The following RNF170 variants were observed in gnomAD, a reference collection of about 807,000 sequenced individuals.
RNF170 encodes E3 ubiquitin-protein ligase RNF170.
In RNF170, 12 loss-of-function variants were observed where a neutral mutation model predicts 32.7. That is an observed-to-expected ratio of 0.37 (90% CI 0.24 to 0.60). The LOEUF is 0.60. RNF170 is among the 20% of genes least tolerant of loss of function. The pLI, the probability that RNF170 is intolerant of heterozygous loss-of-function variation, is 0.72. For missense variants in RNF170, 212 were observed against 311.2 expected (o/e 0.68, Z 2.40); for synonymous variants, 91 against 103.6 (o/e 0.88, Z 0.74).
chr8:42,854,293 C>T lies in RNF170; in HGVS notation c.*1866G>A, dbSNP rs1171737515. 7.8e-7 allele frequency: 1 copy of T among 1,287,204 alleles called. No individual in the cohort carries two copies. Among genetic ancestry groups the T allele is most frequent in the South Asian group, 1.2e-5 (1 of 80,938 alleles). The allele number at this position is 1,287,204 out of a possible 1,614,324, so 79.7% of individuals were successfully genotyped here. On this transcript the variant is annotated 3_prime_UTR_variant, in exon 7 of 7. Transcript: ENST00000527424. ...TCTTGCTGTTCCTCTTAACAACTTT[C>T]ACGTCTATCTAAACATTCTATGCAG...
At chr8:42,861,699 G>A in intron 6 of RNF170, 46 bp downstream of exon 6, 2 of 1,429,462 alleles carry the variant, frequency 1.4e-6, no homozygotes, top group Non-Finnish European at 2.0e-6. Context: ...CAAAAGAGAA[G>A]AAATGTGTCT....
At chr8:42,876,384 C>A (rs1933010366) in intron 2 of RNF170, among the ~76,000 whole-genome samples, 1 of 151,766 alleles carries the variant, frequency 6.6e-6, no homozygotes, top group African/African-American at 2.4e-5. Flanking sequence ...GGAGACAAAA[C>A]CTTTGGGAGG....
chr8:42,876,124 A>G (rs1302495997), intron 2 of RNF170, among the ~76,000 whole-genome samples: 3 of 152,008 alleles, frequency 2.0e-5, no homozygotes, highest in Admixed American at 6.6e-5. Context: ...TTCAGAATAC[A>G]GACATGAACC....
intron 1 of RNF170, among the ~76,000 whole-genome samples, chr8:42,892,615 TATAAAGTA>T (rs1806397745): frequency 6.6e-6 from 1 of 152,018 alleles, no homozygotes; most frequent in South Asian, 2.1e-4. Context: ...GTTCCAAGCA[TATAAAGTA>T]ATATCTTACT....
chr8:42,856,192 A>G lies in RNF170; in HGVS notation c.744T>C (p.Tyr248=). The G allele has an allele frequency of 6.2e-7, 1 of 1,613,032 alleles. No individual in the cohort carries two copies. The highest frequency in any genetic ancestry group is 2.2e-5 in the East Asian group (1 of 44,830). ...TTAGCCTTTGGGTTATCACTTCTCG[A>G]TACATAATAGAGATGTAGATAAGCA... is the stretch of plus-strand genomic sequence containing the variant. The part of the protein sequence containing the change: ...FLLLIYISIM[Y]REVITQRLTR Residue 248 remains tyrosine, a synonymous_variant, in exon 7 of 7, where the codon TAT becomes TAC. Coordinates refer to ENST00000527424, the MANE Select transcript of RNF170 (RefSeq NM_030954.4).
intron 2 of RNF170, among the ~76,000 whole-genome samples, chr8:42,878,852 A>G (rs1805162417): frequency 6.6e-6 from 1 of 152,198 alleles, no homozygotes; most frequent in African/African-American, 2.4e-5. Flanking sequence ...TTAGGGGCTA[A>G]TGCAACTGGT....
chr8:42,864,117 G>A (rs1453809683), intron 5 of RNF170, among the ~76,000 whole-genome samples: 4 of 148,932 alleles, frequency 2.7e-5, no homozygotes, highest in Non-Finnish European at 5.9e-5. Flanking sequence ...TTTTAGTGAT[G>A]TAATCTCGTT....
chr8:42,858,424 ATC>A (rs1803405713), intron 6 of RNF170, among the ~76,000 whole-genome samples: 3 of 152,216 alleles, frequency 2.0e-5, no homozygotes, highest in Admixed American at 6.5e-5. Flanking sequence ...ATCAATTCTT[ATC>A]TTAACAGTAA....
At chr8:42,883,474 C>T (rs1267063274) in intron 2 of RNF170, among the ~76,000 whole-genome samples, 1 of 145,184 alleles carries the variant, frequency 6.9e-6, no homozygotes, top group East Asian at 2.1e-4. Flanking sequence ...GAGGCTGAGG[C>T]AGAAGAATCG....
chr8:42,895,682 G>A (rs1385989469), intron 1 of RNF170, among the ~76,000 whole-genome samples: 1 of 152,086 alleles, frequency 6.6e-6, no homozygotes, highest in African/African-American at 2.4e-5. Flanking sequence ...TGGAATACTA[G>A]GCAACAATTA....
At chr8:42,865,231 C>A (rs1034700814) in intron 5 of RNF170, among the ~76,000 whole-genome samples, 185 bp downstream of exon 5, 1 of 150,310 alleles carries the variant, frequency 6.7e-6, no homozygotes, top group African/African-American at 2.5e-5. Context: ...CACTGCAAGA[C>A]CTTTTTTCAA....
intron 2 of RNF170, among the ~76,000 whole-genome samples, chr8:42,879,084 T>C (rs73635310): frequency 0.014 from 2,176 of 152,284 alleles, 51 homozygotes; most frequent in African/African-American, 0.051. Context: ...AACAAAAAAA[T>C]CTGTTAAAAA....
intron 3 of RNF170, among the ~76,000 whole-genome samples, chr8:42,873,105 A>G (rs948055603): frequency 6.6e-6 from 1 of 151,588 alleles, no homozygotes; most frequent in Non-Finnish European, 1.5e-5. Context: ...ATGTTGCCCA[A>G]ACTGGTCTCG....
chr8:42,861,167 C>G (rs1323616792), intron 6 of RNF170, among the ~76,000 whole-genome samples: 1 of 152,144 alleles, frequency 6.6e-6, no homozygotes, highest in Non-Finnish European at 1.5e-5. Flanking sequence ...TTTTCTATTT[C>G]CCTCTAATTT....
intron 2 of RNF170, among the ~76,000 whole-genome samples, chr8:42,880,977 C>T (rs1805349794): frequency 6.6e-6 from 1 of 152,028 alleles, no homozygotes; most frequent in Non-Finnish European, 1.5e-5. Flanking sequence ...AGTGCTATTA[C>T]ACACATAGAC....
Position 42,854,834 on chromosome 8 carries a change from A to T in RNF170, c.*1325T>A. ...GAAGTGAGTAAGATCTCCCAGTACCATGTGGTACTGAGTCTTCTCAGATAC... is the reference window on the plus strand; with the variant it reads ...GAAGTGAGTAAGATCTCCCAGTACCTTGTGGTACTGAGTCTTCTCAGATAC... On this transcript the variant is annotated 3_prime_UTR_variant, in exon 7 of 7. Coordinates refer to ENST00000527424, the MANE Select transcript of RNF170 (RefSeq NM_030954.4). 7.8e-7 allele frequency: 1 copy of T among 1,287,264 alleles called. No homozygotes were observed. The highest frequency in any genetic ancestry group is 1.0e-6 in the Non-Finnish European group (1 of 988,690). 79.7% of individuals were successfully genotyped at this position (1,287,264 alleles called of 1,614,324 possible). A position where few individuals can be genotyped will look rare whatever the true frequency, so the allele number is the denominator to read the frequency against.
At chr8:42,863,653 G>A (rs950876739) in intron 5 of RNF170, among the ~76,000 whole-genome samples, 8 of 152,136 alleles carry the variant, frequency 5.3e-5, no homozygotes, top group Non-Finnish European at 1.0e-4. Flanking sequence ...TGTTGGCCAA[G>A]ATGGTCTTGA....
In RNF170 at chr8:42,896,466, G is replaced by T; in HGVS notation, c.-8+18C>A. 2.2e-6 allele frequency: 1 copy of T among 453,802 alleles called. No individual in the cohort carries two copies. The highest frequency in any genetic ancestry group is 4.4e-6 in the Non-Finnish European group (1 of 226,622). The allele number at this position is 453,802 out of a possible 1,614,324, so 28.1% of individuals were successfully genotyped here. A position where few individuals can be genotyped will look rare whatever the true frequency, so the allele number is the denominator to read the frequency against. On this transcript the variant is annotated intron_variant, in intron 1 of 6. Coordinates refer to ENST00000527424, the MANE Select transcript of RNF170 (RefSeq NM_030954.4). ...GGGCCCCGATAGGGTGGGCGTGGCCGCCGCGCGCCGGACGTACCTCTCCAC... is the reference window on the plus strand; with the variant it reads ...GGGCCCCGATAGGGTGGGCGTGGCCTCCGCGCGCCGGACGTACCTCTCCAC...
At position 42,854,884 on chromosome 8, in the gene RNF170, G is replaced by A. The variant is rs539934764; in HGVS notation, c.*1275C>T. 159 of 1,287,206 alleles carry A rather than the reference G, an allele frequency of 1.2e-4. 1 individual carries two copies. The South Asian group carries it at 1.9e-3, about 15-fold the overall frequency. The allele number at this position is 1,287,206 out of a possible 1,614,324, so 79.7% of individuals were successfully genotyped here. On this transcript the variant is annotated 3_prime_UTR_variant, in exon 7 of 7. Transcript: ENST00000527424. The stretch of plus-strand genomic sequence containing the variant: ...CATTCACTTGTTTGGCTCAAGACAT[G>A]AATCTGAGCTGTGTGCTGCCATCCT...
Sources: allele counts gnomAD v4.1 joint callset (sites outside exome capture counted in the v4.1 genomes callset), GRCh38; gene constraint gnomAD v4.1.1; transcripts MANE v1.5; gene names NCBI Gene and HGNC (gene_info 2026-07-23, HGNC 2026-07-21).